SUN1: variants seen among roughly 807,000 people sequenced by gnomAD.
SUN1 encodes SUN domain-containing protein 1.
Under a neutral mutation model 103.2 loss-of-function variants are expected in SUN1, and 61 were observed. The ratio of observed to expected loss-of-function variants is 0.59; its 90% CI spans 0.48 to 0.73. The LOEUF (loss-of-function observed/expected upper bound fraction) is 0.73, where lower values mean the gene tolerates loss of function less well. SUN1 is among the 30% of genes least tolerant of loss of function. The pLI is 0.00. For missense variants in SUN1, 1,052 were observed against 1,034.6 expected, an observed-to-expected ratio of 1.02 and a Z score of -0.23; for synonymous variants, 490 against 425.7, an observed-to-expected ratio of 1.15 and a Z score of -1.86.
At chr7:867,710 A>G (rs1372439515) in intron 16 of SUN1, among the ~76,000 whole-genome samples, 3 of 152,222 alleles carry the variant, frequency 2.0e-5, no homozygotes, top group African/African-American at 4.8e-5. Context: ...AGTAAAGAGA[A>G]TGTTTACAGA....
chr7:847,967 T>C (rs1291161924), intron 5 of SUN1, among the ~76,000 whole-genome samples: 1 of 146,350 alleles, frequency 6.8e-6, no homozygotes, highest in Non-Finnish European at 1.5e-5. Flanking sequence ...CAGCGCCCTC[T>C]CTGGGATCTC....
chr7:837,420 C>G (rs1256524743), intron 1 of SUN1, among the ~76,000 whole-genome samples: 1 of 152,180 alleles, frequency 6.6e-6, no homozygotes, highest in Non-Finnish European at 1.5e-5. Flanking sequence ...GTATCTGTCT[C>G]TGGTTTTCAA....
intron 10 of SUN1, 125 bp from the exon 11 acceptor site, chr7:854,795 G>A (rs150187294): frequency 1.8e-5 from 12 of 661,642 alleles, no homozygotes; most frequent in Non-Finnish European, 1.9e-5. Context: ...TTTAGGGTCC[G>A]TGCCACATTG....
chr7:843,886 C>G (rs1273848174), intron 5 of SUN1: 1 of 1,275,440 alleles, frequency 7.8e-7, no homozygotes, highest in Non-Finnish European at 9.9e-7. Flanking sequence ...GGACGCTGCT[C>G]TGGTCTGTCC....
chr7:852,716 A>C, intron 8 of SUN1, 49 bp downstream of exon 8: 1 of 1,614,072 alleles, frequency 6.2e-7, no homozygotes, highest in Non-Finnish European at 8.5e-7. Context: ...CGGTACACAC[A>C]TATGTGTAAC....
Position 843,505 on chromosome 7 carries a change from G to T in SUN1, c.643G>T (p.Asp215Tyr), listed in dbSNP as rs756972772. 2 of 1,614,036 alleles carry T rather than the reference G, an allele frequency of 1.2e-6. No homozygotes were observed. Among genetic ancestry groups the T allele is most frequent in the South Asian group, 2.2e-5 (2 of 91,084 alleles). Reference sequence around the variant, plus strand: ...GCCCGTGTCGAGAGTTTATTCTAGGGACAGGAATCAAAAATGTAAGTCTCA... The same window carrying T: ...GCCCGTGTCGAGAGTTTATTCTAGGTACAGGAATCAAAAATGTAAGTCTCA... The part of the protein sequence containing the change: ...PGPVSRVYSR[D>Y]RNQKCYFLLQ... Residue 215 changes from aspartate to tyrosine, a missense_variant, in exon 5 of 19, where the codon GAC becomes TAC. Asp to Tyr is a radical substitution (Grantham distance 160, BLOSUM62 -3). Coordinates refer to ENST00000401592, the MANE Select transcript of SUN1 (RefSeq NM_001130965.3).
At chr7:828,645 T>C (rs1795120228), upstream of SUN1, among the ~76,000 whole-genome samples, 1 of 152,236 alleles carries the variant, frequency 6.6e-6, no homozygotes, top group African/African-American at 2.4e-5. Context: ...AGAAGCCCTC[T>C]ACTTTTCCTG....
chr7:817,390 A>T, intron 1 of SUN1: 2 of 1,533,972 alleles, frequency 1.3e-6, no homozygotes, highest in Admixed American at 3.9e-5. Context: ...TGCGCCTTCA[A>T]AGTGCCCAGA....
At chr7:838,435 G>A (rs541426256) in intron 1 of SUN1, among the ~76,000 whole-genome samples, 22 of 152,182 alleles carry the variant, frequency 1.4e-4, no homozygotes, top group Non-Finnish European at 1.8e-4. Context: ...TCTCACGTCC[G>A]CGTAGTGTTG....
chr7:862,870 G>A (rs1833255642), intron 15 of SUN1, among the ~76,000 whole-genome samples: 1 of 152,194 alleles, frequency 6.6e-6, no homozygotes, highest in Non-Finnish European at 1.5e-5. Context: ...ATCAGTTTCT[G>A]GCCGGGCGCA....
chr7:831,272 GC>G (rs1250254992), upstream of SUN1, among the ~76,000 whole-genome samples: 6 of 120,336 alleles, frequency 5.0e-5, no homozygotes, highest in Non-Finnish European at 1.7e-5. Flanking sequence ...TTTGAAACGT[GC>G]TTTTTTTTTT....
intron 1 of SUN1, among the ~76,000 whole-genome samples, chr7:838,588 T>C (rs1805880929): frequency 6.6e-6 from 1 of 152,172 alleles, no homozygotes; most frequent in South Asian, 2.1e-4. Context: ...ACATCTGATG[T>C]GAAGGAAGAG....
intron 13 of SUN1, among the ~76,000 whole-genome samples, chr7:858,537 G>T (rs965016084): frequency 2.0e-5 from 3 of 152,180 alleles, no homozygotes; most frequent in South Asian, 4.1e-4. Flanking sequence ...CTTGGTGTGC[G>T]TGCAGCCCAG....
chr7:851,596 C>T (rs931308224), intron 6 of SUN1, 114 bp downstream of exon 6: 5 of 930,350 alleles, frequency 5.4e-6, no homozygotes, highest in South Asian at 1.5e-5. Context: ...ATGCTTTGAC[C>T]CTTGGCGTAA....
chr7:872,682 T>A, intron 18 of SUN1, 120 bp downstream of exon 18: 1 of 741,792 alleles, frequency 1.3e-6, no homozygotes, highest in Non-Finnish European at 2.2e-6. Context: ...TGAAAAATGT[T>A]AACCTGCGCT....
At chr7:844,476 C>T (rs575373060) in intron 5 of SUN1, among the ~76,000 whole-genome samples, 4 of 152,292 alleles carry the variant, frequency 2.6e-5, no homozygotes, top group African/African-American at 7.2e-5. Flanking sequence ...TGAAGGATGG[C>T]GACAGGACGA....
intron 5 of SUN1, among the ~76,000 whole-genome samples, chr7:844,610 G>A (rs1296086442): frequency 1.3e-5 from 2 of 152,224 alleles, no homozygotes; most frequent in African/African-American, 2.4e-5. Context: ...CAATAAGAAA[G>A]TGTGAAAGGG....
chr7:864,398 A>G (rs1834626521), intron 15 of SUN1, among the ~76,000 whole-genome samples: 1 of 151,832 alleles, frequency 6.6e-6, no homozygotes, highest in African/African-American at 2.4e-5. Context: ...AAAAATGCAA[A>G]AAAAAATTAT....
At chr7:824,981 C>T (rs1278132943) in intron 1 of SUN1, among the ~76,000 whole-genome samples, 1 of 152,106 alleles carries the variant, frequency 6.6e-6, no homozygotes, top group Admixed American at 6.6e-5. Flanking sequence ...TTGAATTGGA[C>T]CCCAGAGGAC....
Sources: allele counts gnomAD v4.1 joint callset (sites outside exome capture counted in the v4.1 genomes callset), GRCh38; gene constraint gnomAD v4.1.1; transcripts MANE v1.5; gene names NCBI Gene and HGNC (gene_info 2026-07-23, HGNC 2026-07-21).